The following MAPK8IP2 variants were observed in gnomAD, a reference collection of about 807,000 sequenced individuals.
MAPK8IP2 encodes the protein mitogen-activated protein kinase 8 interacting protein 2, also known as C-Jun-amino-terminal kinase-interacting protein 2.
MAPK8IP2 carries 15 observed loss-of-function variants against 75.6 expected under a neutral mutation model. That is an observed-to-expected ratio of 0.20 (90% CI 0.13 to 0.31). The LOEUF (loss-of-function observed/expected upper bound fraction) is 0.31. Ranked by LOEUF, MAPK8IP2 falls within the 10% of genes least tolerant of loss-of-function variation. MAPK8IP2 has a pLI of 1.00. For synonymous variants in MAPK8IP2, 632 were observed against 554.5 expected (o/e 1.14, Z -1.96); for missense variants, 1,089 against 1,211.2 (o/e 0.90, Z 1.50).
rs559726131 is a variant in MAPK8IP2 at position 50,613,794 on chromosome 22, G to A, written c.*3015G>A. On this transcript the variant is annotated 3_prime_UTR_variant, in exon 12 of 12. Transcript: ENST00000329492. ...GGGCCCTGGTCTCGGGCCTTCTGAG[G>A]ACTTGCTCTCCTGGTAGCGGCTGCT... 1 of 152,354 alleles carries A rather than the reference G, an allele frequency of 6.6e-6. No homozygotes were observed. The highest frequency in any genetic ancestry group is 1.9e-4 in the East Asian group (1 of 5,168). 9.4% of individuals were successfully genotyped at this position (152,354 alleles called of 1,614,324 possible).
At chr22:50,603,140 C>T in intron 2 of MAPK8IP2, 83 bp from the exon 3 acceptor site, 5 of 1,605,474 alleles carry the variant, frequency 3.1e-6, no homozygotes, top group Non-Finnish European at 4.3e-6. Context: ...CTGATGCTCC[C>T]CGATTTCCCT....
At chr22:50,603,797 C>T (rs1569063970) in intron 4 of MAPK8IP2, 44 bp from the exon 5 acceptor site, 3 of 1,534,442 alleles carry the variant, frequency 2.0e-6, no homozygotes, top group Admixed American at 2.0e-5. Flanking sequence ...CTGGAAGAGG[C>T]CTGGGTGGTG....
Position 50,603,685 on chromosome 22 carries a change from A to G in MAPK8IP2, c.507A>G (p.Thr169=), listed in dbSNP as rs1375747068. The change falls in exon 4 of 12, where the codon ACA becomes ACG. Residue 169 remains threonine (T), a synonymous_variant. Coordinates refer to ENST00000329492, the MANE Select transcript of MAPK8IP2 (RefSeq NM_012324.6). ...TGCGTCCGGCCTCCTGGCAGGAGAC[A>G]GCGCTATGCTCACCCGCCCCGGAGG... The part of the protein sequence containing the change: ...DLVRPASWQE[T]ALCSPAPEAL... 12 of 1,586,186 alleles carry G rather than the reference A, an allele frequency of 7.6e-6. No homozygotes were observed. Among genetic ancestry groups the G allele is most frequent in the Non-Finnish European group, 1.0e-5 (12 of 1,166,636 alleles).
Position 50,607,090 on chromosome 22 carries a change from C to G in MAPK8IP2, c.2303+99C>G, listed in dbSNP as rs2071066137. On this transcript the variant is annotated intron_variant, in intron 10 of 11. Coordinates refer to ENST00000329492, the MANE Select transcript of MAPK8IP2 (RefSeq NM_012324.6). The surrounding 1 kb of genome is among the most constrained non-coding windows in gnomAD (Gnocchi z 5.6). ...CCACAGACCCTGAGGGCTGCCCGTG[C>G]CCAGCCCTGAGAGCTCCACCTGCAC... The G allele has an allele frequency of 1.6e-5, 15 of 954,756 alleles. No homozygotes were observed. The South Asian group carries it at 2.0e-4, about 13-fold the overall frequency. 59.1% of individuals were successfully genotyped at this position (954,756 alleles called of 1,614,324 possible). A position where few individuals can be genotyped will look rare whatever the true frequency, so the allele number is the denominator to read the frequency against.
intron 6 of MAPK8IP2, 33 bp from the exon 7 acceptor site, chr22:50,605,529 C>T (rs752847475): frequency 1.2e-6 from 1 of 851,120 alleles, no homozygotes; most frequent in South Asian, 1.3e-5. Context: ...TCAATCCCGC[C>T]CCCCTCCCCA....
chr22:50,607,000 C>G lies in MAPK8IP2; in HGVS notation c.2303+9C>G. 6.2e-7 allele frequency: 1 copy of G among 1,612,114 alleles called. No homozygotes were observed. The highest frequency in any genetic ancestry group is 1.7e-5 in the Admixed American group (1 of 60,018). Reference sequence around the variant, plus strand: ...CATCCCCGCAACAGCTGGTGAGAGTCTGACCGTCCCCGAGTCCCCCAACCG... The same window carrying G: ...CATCCCCGCAACAGCTGGTGAGAGTGTGACCGTCCCCGAGTCCCCCAACCG... On this transcript the variant is annotated intron_variant, in intron 10 of 11. Coordinates refer to ENST00000329492, the MANE Select transcript of MAPK8IP2 (RefSeq NM_012324.6).
chr22:50,608,062 C>G (rs1242046709), intron 10 of MAPK8IP2, among the ~76,000 whole-genome samples: 1 of 152,132 alleles, frequency 6.6e-6, no homozygotes, highest in Non-Finnish European at 1.5e-5. Flanking sequence ...ACAGGCAAGA[C>G]ACAGCAGGGC....
chr22:50,605,795 G>C (rs761743537), intron 7 of MAPK8IP2, 30 bp from the exon 8 acceptor site: 2 of 1,595,168 alleles, frequency 1.3e-6, no homozygotes, highest in East Asian at 4.5e-5. Flanking sequence ...GCCCCTGCCT[G>C]ACCTGGGCCC....
Position 50,606,825 on chromosome 22 carries a change from G to A in MAPK8IP2, c.2232+60G>A, listed in dbSNP as rs1015593829. 42 of 1,590,664 alleles carry A rather than the reference G, an allele frequency of 2.6e-5. No individual in the cohort carries two copies. The African/African-American group carries it at 4.0e-4, about 15-fold the overall frequency. On this transcript the variant is annotated intron_variant, in intron 9 of 11. Transcript: ENST00000329492. The stretch of plus-strand genomic sequence containing the variant: ...GGGATAGGGTTAGGCCACGGAGTCC[G>A]ACGGGGCCAGGCTGGCAGGGGTGTC...
chr22:50,604,234 A>T lies in MAPK8IP2; in HGVS notation c.935A>T (p.Glu312Val), dbSNP rs754878199. ...GCCTCGGAGCCGGAGCCCCCGCGCGAACCCCCGCGCCGCCCCGCCTTCCTG... is the reference window on the plus strand; with the variant it reads ...GCCTCGGAGCCGGAGCCCCCGCGCGTACCCCCGCGCCGCCCCGCCTTCCTG... The part of the protein sequence containing the change: ...SPASEPEPPR[E>V]PPRRPAFLPV... The change falls in exon 5 of 12, where the codon GAA becomes GTA. Residue 312 changes from glutamate to valine, a missense_variant. Glu to Val is a moderately radical substitution (Grantham distance 121). This residue lies in a region of MAPK8IP2 where 960 missense variants were observed against 1,009.6 expected (regional missense o/e 0.95). Transcript: ENST00000329492. 2.6e-6 allele frequency: 4 copies of T among 1,560,952 alleles called. No homozygotes were observed.
intron 2 of MAPK8IP2, among the ~76,000 whole-genome samples, chr22:50,602,885 A>G (rs760981931): frequency 6.6e-6 from 1 of 152,358 alleles, no homozygotes; most frequent in Middle Eastern, 3.4e-3. Context: ...AACCATGTCC[A>G]GTAACTGTAA....
Position 50,603,927 on chromosome 22 carries a change from C to G in MAPK8IP2, c.628C>G (p.Arg210Gly). The G allele has an allele frequency of 6.5e-7, 1 of 1,540,122 alleles. No homozygotes were observed. The highest frequency in any genetic ancestry group is 8.7e-7 in the Non-Finnish European group (1 of 1,146,812). The change falls in exon 5 of 12, where the codon CGG becomes GGG. Residue 210 changes from arginine (R) to glycine (G), a missense_variant. Arg to Gly is a moderately radical substitution (Grantham distance 125). Coordinates refer to ENST00000329492, the MANE Select transcript of MAPK8IP2 (RefSeq NM_012324.6). ...VRPGCDCEGN[R>G]PAEPPAPGGT... ...CCCGGGTTGCGACTGCGAAGGGAAC[C>G]GGCCTGCGGAACCCCCTGCGCCAGG...
At position 50,612,112 on chromosome 22, in the gene MAPK8IP2, C is replaced by G. The variant is rs958700016; in HGVS notation, c.*1333C>G. On this transcript the variant is annotated 3_prime_UTR_variant, in exon 12 of 12. Coordinates refer to ENST00000329492, the MANE Select transcript of MAPK8IP2 (RefSeq NM_012324.6). ...GCTTGAACCTGGGAGGCGGAGGTTG[C>G]AGTGAGCCAAGATTGCACCACTGCA... is the stretch of plus-strand genomic sequence containing the variant. 6.6e-6 allele frequency: 1 copy of G among 152,240 alleles called. No homozygotes were observed. Among genetic ancestry groups the G allele is most frequent in the African/African-American group, 2.4e-5 (1 of 41,422 alleles). The allele number at this position is 152,240 out of a possible 1,614,324, so 9.4% of individuals were successfully genotyped here.
chr22:50,607,069 A>AGGGTCTGTGGG lies in MAPK8IP2; in HGVS notation c.2303+79_2303+80insGGTCTGTGGGG. The AGGGTCTGTGGG allele has an allele frequency of 8.4e-7, 1 of 1,189,880 alleles. No individual in the cohort carries two copies. The highest frequency in any genetic ancestry group is 1.3e-6 in the Non-Finnish European group (1 of 798,820). 73.7% of individuals were successfully genotyped at this position (1,189,880 alleles called of 1,614,324 possible). A position where few individuals can be genotyped will look rare whatever the true frequency, so the allele number is the denominator to read the frequency against. Reference sequence around the variant, plus strand: ...GTCCAACCGCCCCCTGAGTCCCCACAGACCCTGAGGGCTGCCCGTGCCCAG... The same window carrying AGGGTCTGTGGG: ...GTCCAACCGCCCCCTGAGTCCCCACAGGGTCTGTGGGGACCCTGAGGGCTGCCCGTGCCCAG... On this transcript the variant is annotated intron_variant, in intron 10 of 11. Coordinates refer to ENST00000329492, the MANE Select transcript of MAPK8IP2 (RefSeq NM_012324.6). This position sits in a 1 kb window ranked among gnomAD's most constrained non-coding sequence, Gnocchi z 5.6.
In MAPK8IP2 at chr22:50,603,658, G is replaced by C. The variant is rs2070981087; in HGVS notation, c.480G>C (p.Leu160=). The C allele has an allele frequency of 1.3e-6, 2 of 1,592,822 alleles. No individual in the cohort carries two copies. Among genetic ancestry groups the C allele is most frequent in the East Asian group, 2.3e-5 (1 of 43,666 alleles). The part of the protein sequence containing the change: ...DSLNNNGGFD[L]VRPASWQETA... ...TAAACAACAACGGAGGCTTTGACCT[G>C]GTGCGTCCGGCCTCCTGGCAGGAGA... is the stretch of plus-strand genomic sequence containing the variant. The change falls in exon 4 of 12, where the codon CTG becomes CTC. Residue 160 remains leucine (L), a synonymous_variant. Coordinates refer to ENST00000329492, the MANE Select transcript of MAPK8IP2 (RefSeq NM_012324.6).
rs1018698224 is a variant in MAPK8IP2 at position 50,604,495 on chromosome 22, C to T, written c.1196C>T (p.Ala399Val). ...GCCCAGGACTCCCAGGACCCCGAGG[C>T]GGCCGCGGGGCCCGGCGGCGTGGAG... ...GAAQDSQDPEAAAGPGGVELV... is the reference protein window; with the variant it reads ...GAAQDSQDPEVAAGPGGVELV... The change falls in exon 5 of 12, where the codon GCG becomes GTG. Residue 399 changes from alanine to valine, a missense_variant. By Grantham distance (64) the Ala-to-Val change is moderately conservative. This residue lies in a region of MAPK8IP2 where 960 missense variants were observed against 1,009.6 expected (regional missense o/e 0.95). Coordinates refer to ENST00000329492, the MANE Select transcript of MAPK8IP2 (RefSeq NM_012324.6). 281 of 1,238,952 alleles carry T rather than the reference C, an allele frequency of 2.3e-4. No homozygotes were observed. The highest frequency in any genetic ancestry group is 2.6e-4 in the Non-Finnish European group (258 of 993,862). 76.7% of individuals were successfully genotyped at this position (1,238,952 alleles called of 1,614,324 possible). A position where few individuals can be genotyped will look rare whatever the true frequency, so the allele number is the denominator to read the frequency against.
Position 50,610,083 on chromosome 22 carries a change from AC to A in MAPK8IP2, c.2304-124del. The A allele has an allele frequency of 1.4e-6, 1 of 740,410 alleles. No individual in the cohort carries two copies. Among genetic ancestry groups the A allele is most frequent in the Non-Finnish European group, 2.4e-6 (1 of 417,396 alleles). The allele number at this position is 740,410 out of a possible 1,614,324, so 45.9% of individuals were successfully genotyped here. A position where few individuals can be genotyped will look rare whatever the true frequency, so the allele number is the denominator to read the frequency against. The stretch of plus-strand genomic sequence containing the variant: ...CAACTTCAGATCTTGAAATTGTGCG[AC>A]CCCCACACTCCTGTCCCTTACCCTC... On this transcript the variant is annotated intron_variant, in intron 10 of 11. Coordinates refer to ENST00000329492, the MANE Select transcript of MAPK8IP2 (RefSeq NM_012324.6). The surrounding 1 kb of genome is among the most constrained non-coding windows in gnomAD (Gnocchi z 4.3).
Position 50,600,887 on chromosome 22 carries a change from C to T in MAPK8IP2, c.65+4C>T, listed in dbSNP as rs376088942. 1.9e-5 allele frequency: 24 copies of T among 1,251,154 alleles called. No homozygotes were observed. In the African/African-American group the frequency reaches 2.4e-4, roughly 13 times the overall value. 77.5% of individuals were successfully genotyped at this position (1,251,154 alleles called of 1,614,324 possible). On this transcript the variant is annotated splice_donor_region_variant and intron_variant, in intron 1 of 11. Transcript: ENST00000329492. ...CGCTGTCGCCGCCGGGCTGCAGGTA[C>T]CCCCCTCGGCGCCCGGGCCGGGCGG...
chr22:50,605,518 G>C, intron 6 of MAPK8IP2, 44 bp from the exon 7 acceptor site: 7 of 1,591,156 alleles, frequency 4.4e-6, no homozygotes, highest in Non-Finnish European at 5.1e-6. Context: ...GGACACGACC[G>C]TCAATCCCGC....
Sources: gnomAD v4.1 joint callset for allele counts (sites outside exome capture counted in the v4.1 genomes callset) on GRCh38, gnomAD v4.1.1 for gene constraint, gnomAD v4.1.1 regional missense constraint, Gnocchi (gnomAD v3.1) non-coding constraint, MANE v1.5 for transcripts, NCBI Gene and HGNC (gene_info 2026-07-23, HGNC 2026-07-21) for gene names.